Variants in ADGRL3 observed in about 807,000 individuals in gnomAD.
ADGRL3 encodes calcium-independent alpha-latrotoxin receptor 3.
Under a neutral mutation model 153.5 loss-of-function variants are expected in ADGRL3, and 62 were observed. The ratio of observed to expected loss-of-function variants is 0.40; its 90% CI spans 0.33 to 0.50. ADGRL3 has a LOEUF of 0.50. ADGRL3 is among the 20% of genes least tolerant of loss of function. The pLI is 0.47. For synonymous variants in ADGRL3, 710 were observed against 672.5 expected (o/e 1.06, Z -0.86); for missense variants, 1,641 against 1,859.4 (o/e 0.88, Z 2.16).
chr4:61,583,731 T>C (rs757823375), intron 4 of ADGRL3: 7 of 518,360 alleles, frequency 1.4e-5, no homozygotes, highest in Non-Finnish European at 2.7e-5. Flanking sequence ...TAGCAGAAGG[T>C]TTCCAGATTT....
At chr4:61,375,490 A>AACC in intron 1 of ADGRL3, among the ~76,000 whole-genome samples, 1 of 151,908 alleles carries the variant, frequency 6.6e-6, no homozygotes, top group African/African-American at 2.4e-5. Flanking sequence ...CATCAAGTGT[A>AACC]CTCCCTGAGT....
intron 18 of ADGRL3, among the ~76,000 whole-genome samples, chr4:61,981,887 G>T (rs550178222): frequency 1.3e-5 from 2 of 152,204 alleles, no homozygotes; most frequent in East Asian, 3.9e-4. Flanking sequence ...ACTGTAAAGG[G>T]TACAATTATG....
At chr4:61,545,746 C>T (rs1206340515) in intron 4 of ADGRL3, among the ~76,000 whole-genome samples, 3 of 152,124 alleles carry the variant, frequency 2.0e-5, no homozygotes, top group African/African-American at 7.2e-5. Context: ...AACTCCTGAC[C>T]TCAGGTGATC....
In ADGRL3 at chr4:61,767,377, C is replaced by T. The variant is rs1045524081; in HGVS notation, c.1399+33823C>T. 5.9e-5 allele frequency among the ~76,000 whole-genome samples: 9 copies of T among 151,760 alleles called. No individual in the cohort carries two copies. In the South Asian group the frequency reaches 1.0e-3, roughly 18 times the overall value. ...GTTTTAAGAGGTTTAGAAGCCTGGC[C>T]ATCAATACCCACAACAGTTATGGAG... On this transcript the variant is annotated intron_variant, in intron 8 of 26. Transcript: ENST00000683033.
At chr4:61,717,519 C>T (rs946864650) in intron 6 of ADGRL3, among the ~76,000 whole-genome samples, 2 of 152,110 alleles carry the variant, frequency 1.3e-5, no homozygotes, top group Non-Finnish European at 2.9e-5. Context: ...AATGTCTCTG[C>T]TCCTCACTTG....
At chr4:61,328,143 G>A (rs2095500994) in intron 1 of ADGRL3, among the ~76,000 whole-genome samples, 1 of 152,094 alleles carries the variant, frequency 6.6e-6, no homozygotes, top group Non-Finnish European at 1.5e-5. Context: ...CAGTGAAAAT[G>A]AGGCAATGAC....
chr4:62,045,995 A>T lies in ADGRL3; in HGVS notation c.3814+1446A>T, dbSNP rs558840259. 1.2e-4 allele frequency among the ~76,000 whole-genome samples: 19 copies of T among 152,008 alleles called. No individual in the cohort carries two copies. In the East Asian group the frequency reaches 2.3e-3, roughly 19 times the overall value. Reference sequence around the variant, plus strand: ...AATATGAGTATTCTAACTTTTTGACATTACTTTTAAATCATAAAGAACAAA... The same window carrying T: ...AATATGAGTATTCTAACTTTTTGACTTTACTTTTAAATCATAAAGAACAAA... On this transcript the variant is annotated intron_variant, in intron 25 of 26. Coordinates refer to ENST00000683033, the MANE Select transcript of ADGRL3 (RefSeq NM_001387552.1).
chr4:61,430,976 G>A (rs562781128), intron 2 of ADGRL3, among the ~76,000 whole-genome samples: 30 of 152,072 alleles, frequency 2.0e-4, no homozygotes, highest in Non-Finnish European at 3.7e-4. Context: ...CAATGTCTTT[G>A]ATGTACAAAT....
chr4:61,702,643 A>G lies in ADGRL3; in HGVS notation c.583+25708A>G, dbSNP rs529850334. ...GGGAATAATTAATATTAAAGTGATC[A>G]GTGTAAGGAAAAGAAATTTGCTGAA... is the stretch of plus-strand genomic sequence containing the variant. On this transcript the variant is annotated intron_variant, in intron 6 of 26. Transcript: ENST00000683033. 5.3e-5 allele frequency among the ~76,000 whole-genome samples: 8 copies of G among 152,246 alleles called. No homozygotes were observed. The South Asian group carries it at 1.7e-3, about 32-fold the overall frequency.
chr4:61,843,967 G>A (rs1418693047), intron 9 of ADGRL3, among the ~76,000 whole-genome samples: 6 of 150,950 alleles, frequency 4.0e-5, no homozygotes, highest in African/African-American at 1.5e-4. Context: ...GCAGTAGTGA[G>A]CTGAGATGAT....
At chr4:61,350,136 T>TCAAA (rs2096011371) in intron 1 of ADGRL3, among the ~76,000 whole-genome samples, 1 of 152,092 alleles carries the variant, frequency 6.6e-6, no homozygotes, top group African/African-American at 2.4e-5. Context: ...AGAAACAAAT[T>TCAAA]CAAACATGTT....
intron 5 of ADGRL3, among the ~76,000 whole-genome samples, chr4:61,626,065 T>A (rs1377377651): frequency 1.3e-5 from 2 of 152,016 alleles, no homozygotes; most frequent in Non-Finnish European, 2.9e-5. Context: ...TGGCTTTCTA[T>A]TTGACCTTAA....
intron 5 of ADGRL3, 138 bp from the exon 6 acceptor site, chr4:61,676,687 TA>T: frequency 1.6e-6 from 1 of 634,670 alleles, no homozygotes; most frequent in South Asian, 2.0e-5. Flanking sequence ...GATATTTTCT[TA>T]ATAGGCCTAA....
intron 1 of ADGRL3, among the ~76,000 whole-genome samples, chr4:61,351,941 T>G (rs754789307): frequency 2.0e-5 from 3 of 152,146 alleles, no homozygotes; most frequent in Non-Finnish European, 4.4e-5. Context: ...TGTAATTATT[T>G]AAGAAATGTA....
chr4:61,629,767 T>A (rs1290746610), intron 5 of ADGRL3, among the ~76,000 whole-genome samples: 1 of 98,078 alleles, frequency 1.0e-5, no homozygotes, highest in African/African-American at 4.2e-5. Flanking sequence ...AAAAAAAAAA[T>A]TCCAAGTCAT....
chr4:61,311,227 T>A (rs2150529677), intron 1 of ADGRL3, among the ~76,000 whole-genome samples: 1 of 152,278 alleles, frequency 6.6e-6, no homozygotes, highest in South Asian at 2.1e-4. Flanking sequence ...GCATGACAGA[T>A]CATTTTCTTG....
Position 61,412,394 on chromosome 4 carries a change from C to T in ADGRL3, c.-174+29205C>T, listed in dbSNP as rs897635897. Among the ~76,000 whole-genome samples, 31 of 152,276 alleles carry T rather than the reference C, an allele frequency of 2.0e-4. No individual in the cohort carries two copies. In the South Asian group the frequency reaches 4.6e-3, roughly 22 times the overall value. ...TGGTCCCCCACACCAGGCCAGTACA[C>T]TCAATTCTTGGCCACAGATACTACA... On this transcript the variant is annotated intron_variant, in intron 2 of 26. Coordinates refer to ENST00000683033, the MANE Select transcript of ADGRL3 (RefSeq NM_001387552.1).
intron 8 of ADGRL3, among the ~76,000 whole-genome samples, chr4:61,741,956 G>C (rs1244332232): frequency 1.3e-5 from 2 of 152,198 alleles, no homozygotes; most frequent in Non-Finnish European, 2.9e-5. Flanking sequence ...TGACTTATTT[G>C]TGAATAAGCT....
intron 9 of ADGRL3, among the ~76,000 whole-genome samples, chr4:61,841,130 T>A (rs1464696124): frequency 6.6e-6 from 1 of 152,172 alleles, no homozygotes; most frequent in Middle Eastern, 3.2e-3. Flanking sequence ...CCTTTCTTTC[T>A]TCGTCTCTTG....
Sources: gnomAD v4.1 joint callset for allele counts (sites outside exome capture counted in the v4.1 genomes callset) on GRCh38, gnomAD v4.1.1 for gene constraint, MANE v1.5 for transcripts, NCBI Gene and HGNC (gene_info 2026-07-23, HGNC 2026-07-21) for gene names.